Variants in SH3PXD2A observed in about 807,000 individuals in gnomAD.
The protein encoded by SH3PXD2A is SH3 and PX domains 2A.
A neutral mutation model predicts 115.2 loss-of-function variants in SH3PXD2A; 32 were observed. The ratio of observed to expected loss-of-function variants is 0.28; its 90% CI spans 0.21 to 0.37. The LOEUF (loss-of-function observed/expected upper bound fraction) is 0.37, where lower values mean the gene tolerates loss of function less well. SH3PXD2A is among the 10% of genes least tolerant of loss of function. SH3PXD2A has a pLI of 1.00. For synonymous variants in SH3PXD2A, 610 were observed against 629.1 expected (o/e 0.97, Z 0.45); for missense variants, 1,328 against 1,498.7 (o/e 0.89, Z 1.88).
intron 1 of SH3PXD2A, among the ~76,000 whole-genome samples, chr10:103,823,824 A>G (rs1466721804): frequency 1.3e-5 from 2 of 152,192 alleles, no homozygotes; most frequent in African/African-American, 2.4e-5. Flanking sequence ...GCCTGCAGAC[A>G]TGGCTGAGAT....
At chr10:103,657,369 T>C (rs989470995) in intron 8 of SH3PXD2A, among the ~76,000 whole-genome samples, 1 of 152,206 alleles carries the variant, frequency 6.6e-6, no homozygotes, top group African/African-American at 2.4e-5. Flanking sequence ...CCAGAAATTA[T>C]GCCTGCTGGA....
intron 8 of SH3PXD2A, among the ~76,000 whole-genome samples, chr10:103,653,453 C>T (rs1219199710): frequency 1.3e-5 from 2 of 152,234 alleles, no homozygotes; most frequent in African/African-American, 4.8e-5. Context: ...TGTGGGATTT[C>T]CAGGGCTGCA....
chr10:103,636,365 T>C (rs1342948849), intron 8 of SH3PXD2A, among the ~76,000 whole-genome samples: 7 of 146,592 alleles, frequency 4.8e-5, no homozygotes, highest in East Asian at 2.0e-4. Context: ...GTCGAGATCG[T>C]ACCACTGCAC....
chr10:103,603,783 C>T lies in SH3PXD2A; in HGVS notation c.1435G>A (p.Asp479Asn). Reference protein sequence around the residue: ...FRGGQKAEVIDKNSGGWWYVQ... With the variant: ...FRGGQKAEVINKNSGGWWYVQ... Reference sequence around the variant, plus strand: ...TACCACCAGCCACCTGAGTTCTTATCAATGACCTGGGGTACGAGTGCAGAC... The same window carrying T: ...TACCACCAGCCACCTGAGTTCTTATTAATGACCTGGGGTACGAGTGCAGAC... Residue 479 changes from aspartate to asparagine, a missense_variant, in exon 15 of 15, where the codon GAT becomes AAT. Asp to Asn is a conservative substitution (Grantham distance 23). Transcript: ENST00000369774. The T allele has an allele frequency of 2.5e-6, 4 of 1,606,582 alleles. No individual in the cohort carries two copies. The highest frequency in any genetic ancestry group is 3.4e-6 in the Non-Finnish European group (4 of 1,179,282).
chr10:103,622,603 G>A (rs769516886), intron 9 of SH3PXD2A, 50 bp from the exon 10 acceptor site: 66 of 1,076,878 alleles, frequency 6.1e-5, no homozygotes, highest in Non-Finnish European at 8.5e-5. Flanking sequence ...AACCGGCGGA[G>A]AGAATGGAGA....
chr10:103,697,027 C>T (rs754521264), intron 5 of SH3PXD2A, among the ~76,000 whole-genome samples: 10 of 152,126 alleles, frequency 6.6e-5, no homozygotes, highest in East Asian at 1.9e-4. Flanking sequence ...GCCCCATCCC[C>T]GGGTGATACG....
chr10:103,648,828 G>A (rs1485072031), intron 8 of SH3PXD2A, among the ~76,000 whole-genome samples: 2 of 152,220 alleles, frequency 1.3e-5, no homozygotes, highest in Admixed American at 6.5e-5. Context: ...AAATGCACGT[G>A]CCCCCTCGCG....
chr10:103,781,670 G>A (rs2038932642), intron 2 of SH3PXD2A, among the ~76,000 whole-genome samples: 1 of 152,180 alleles, frequency 6.6e-6, no homozygotes, highest in Non-Finnish European at 1.5e-5. Flanking sequence ...TTCCCTGCAT[G>A]ACTCAACTAT....
Position 103,596,663 on chromosome 10 carries a change from A to ACACTCTCTCTCTCTCTCTCTCTCTCT in SH3PXD2A, c.*5152_*5153insAGAGAGAGAGAGAGAGAGAGAGAGTG. ...CACACACACACACACACACACACAC[A>ACACTCTCTCTCTCTCTCTCTCTCTCT]CTCTCTCTCTCTCTCTCTCTCTCAC... On this transcript the variant is annotated 3_prime_UTR_variant, in exon 15 of 15. Transcript: ENST00000369774. 2.4e-5 allele frequency: 3 copies of ACACTCTCTCTCTCTCTCTCTCTCTCT among 124,440 alleles called. No homozygotes were observed. The highest frequency in any genetic ancestry group is 8.0e-5 in the Admixed American group (1 of 12,474). 7.7% of individuals were successfully genotyped at this position (124,440 alleles called of 1,614,324 possible). A position where few individuals can be genotyped will look rare whatever the true frequency, so the allele number is the denominator to read the frequency against.
chr10:103,796,741 G>C (rs1213694624), intron 2 of SH3PXD2A, among the ~76,000 whole-genome samples: 2 of 152,260 alleles, frequency 1.3e-5, no homozygotes, highest in African/African-American at 2.4e-5. Context: ...ACTCAGCCAG[G>C]CTGGGGCTCC....
intron 7 of SH3PXD2A, 50 bp from the exon 8 acceptor site, chr10:103,661,164 G>A (rs983744583): frequency 1.9e-6 from 3 of 1,591,586 alleles, no homozygotes; most frequent in Non-Finnish European, 2.6e-6. Flanking sequence ...CCATGGCCCC[G>A]CGGCCAGGGC....
At chr10:103,645,624 C>G (rs880868) in intron 8 of SH3PXD2A, among the ~76,000 whole-genome samples, 10,980 of 152,134 alleles carry the variant, frequency 0.072, 1,053 homozygotes, top group African/African-American at 0.23. Flanking sequence ...AGGCTAATCA[C>G]CAGGAACGGG....
intron 1 of SH3PXD2A, among the ~76,000 whole-genome samples, chr10:103,825,278 CCGCTGATT>C (rs2039419514): frequency 2.0e-5 from 3 of 152,194 alleles, no homozygotes; most frequent in Non-Finnish European, 4.4e-5. Flanking sequence ...TACACTTGGG[CCGCTGATT>C]TCATCAGCGC....
At chr10:103,776,116 G>A (rs760148562) in intron 2 of SH3PXD2A, among the ~76,000 whole-genome samples, 1 of 152,164 alleles carries the variant, frequency 6.6e-6, no homozygotes, top group Non-Finnish European at 1.5e-5. Flanking sequence ...GCCGGACACC[G>A]TGGCTCATGC....
chr10:103,616,187 C>T (rs371470652), intron 11 of SH3PXD2A, among the ~76,000 whole-genome samples: 95 of 152,280 alleles, frequency 6.2e-4, no homozygotes, highest in African/African-American at 1.9e-3. Context: ...AACTGTCCCA[C>T]GAGTACTCAC....
At chr10:103,732,819 G>A (rs2038337508) in intron 4 of SH3PXD2A, among the ~76,000 whole-genome samples, 1 of 152,234 alleles carries the variant, frequency 6.6e-6, no homozygotes, top group Non-Finnish European at 1.5e-5. Flanking sequence ...GTAGACAAAG[G>A]CAGGTAGAGA....
chr10:103,767,091 T>A lies in SH3PXD2A; in HGVS notation c.229+3A>T. On this transcript the variant is annotated splice_donor_region_variant and intron_variant, in intron 3 of 14. Transcript: ENST00000369774. The stretch of plus-strand genomic sequence containing the variant: ...TCCCTGGGTGGAGCCACCCAATGCT[T>A]ACCTGGGAGGAAGGGGATGATCCTT... 1 of 1,612,516 alleles carries A rather than the reference T, an allele frequency of 6.2e-7. No homozygotes were observed. The highest frequency in any genetic ancestry group is 8.5e-7 in the Non-Finnish European group (1 of 1,178,696).
At chr10:103,702,649 T>C (rs1344695909) in intron 5 of SH3PXD2A, among the ~76,000 whole-genome samples, 1 of 134,708 alleles carries the variant, frequency 7.4e-6, no homozygotes, top group Non-Finnish European at 1.6e-5. Context: ...GCTGTATGTC[T>C]TGGGGGAGCA....
intron 3 of SH3PXD2A, among the ~76,000 whole-genome samples, chr10:103,740,069 G>C (rs1473253184): frequency 1.3e-5 from 2 of 152,226 alleles, no homozygotes; most frequent in East Asian, 3.9e-4. Flanking sequence ...GTGGGCAGAG[G>C]AGGAAGGAGG....
Sources: allele counts gnomAD v4.1 joint callset (sites outside exome capture counted in the v4.1 genomes callset), GRCh38; gene constraint gnomAD v4.1.1; transcripts MANE v1.5; gene names NCBI Gene and HGNC (gene_info 2026-07-23, HGNC 2026-07-21).